The following AKAP13 variants were observed in gnomAD, a reference collection of about 807,000 sequenced individuals.
AKAP13 encodes the protein A-kinase anchor protein 13.
Under a neutral mutation model 264.5 loss-of-function variants are expected in AKAP13, and 80 were observed. That is an observed-to-expected ratio of 0.30 (90% CI 0.25 to 0.36). The LOEUF (loss-of-function observed/expected upper bound fraction) is 0.36, where lower values mean the gene tolerates loss of function less well. Ranked by LOEUF, AKAP13 falls within the 10% of genes least tolerant of loss-of-function variation. The pLI is 1.00. For missense variants in AKAP13, 3,712 were observed against 3,435.2 expected (o/e 1.08, Z -2.01); for synonymous variants, 1,380 against 1,250.2 (o/e 1.10, Z -2.19).
At chr15:85,669,924 G>A (rs1041076602) in intron 14 of AKAP13, 94 bp downstream of exon 14, 38 of 848,344 alleles carry the variant, frequency 4.5e-5, no homozygotes, top group African/African-American at 6.9e-5. Flanking sequence ...AACATTACCT[G>A]CCAAAATTTG....
chr15:85,503,645 G>C (rs1329619819), intron 2 of AKAP13, among the ~76,000 whole-genome samples: 1 of 152,210 alleles, frequency 6.6e-6, no homozygotes, highest in East Asian at 1.9e-4. Context: ...AGGGCACCTT[G>C]ATCTGCCTGC....
At chr15:85,408,487 T>G (rs12901648) in intron 1 of AKAP13, among the ~76,000 whole-genome samples, 24,380 of 151,604 alleles carry the variant, frequency 0.16, 2,568 homozygotes, top group South Asian at 0.35. Flanking sequence ...TCTATTTCTC[T>G]CTCCTCCGTG....
At chr15:85,624,262 C>T (rs2081312384) in intron 8 of AKAP13, among the ~76,000 whole-genome samples, 1 of 151,534 alleles carries the variant, frequency 6.6e-6, no homozygotes, top group African/African-American at 2.4e-5. Flanking sequence ...TAATTCAGAA[C>T]ATTAATTAGC....
At chr15:85,557,608 G>A (rs1040822771) in intron 5 of AKAP13, among the ~76,000 whole-genome samples, 1 of 152,042 alleles carries the variant, frequency 6.6e-6, no homozygotes, top group African/African-American at 2.4e-5. Context: ...GAGACTACAG[G>A]CACGCACCAC....
At chr15:85,544,194 A>T (rs902766282) in intron 5 of AKAP13, 1 of 651,014 alleles carries the variant, frequency 1.5e-6, no homozygotes, top group African/African-American at 1.8e-5. Context: ...GCCTTCTTCA[A>T]TTCTTATCTC....
chr15:85,544,694 A>G (rs935483539), intron 5 of AKAP13, among the ~76,000 whole-genome samples: 4 of 152,256 alleles, frequency 2.6e-5, no homozygotes, highest in Non-Finnish European at 5.9e-5. Context: ...GAATGTTTAT[A>G]TAAAGAAGTT....
At chr15:85,683,720 C>G (rs148689422) in intron 15 of AKAP13, 1 of 152,208 alleles carries the variant, frequency 6.6e-6, no homozygotes, top group Non-Finnish European at 1.5e-5. Context: ...CCGCCCACCT[C>G]GGCCTCCCAA....
At position 85,579,476 on chromosome 15, in the gene AKAP13, A is replaced by T. The variant is rs766167726; in HGVS notation, c.1408A>T (p.Thr470Ser). The change falls in exon 7 of 37, where the codon ACA becomes TCA. Residue 470 changes from threonine to serine, a missense_variant. This residue lies in a region of AKAP13 where 2,759 missense variants were observed against 2,411.7 expected (regional missense o/e 1.14). Coordinates refer to ENST00000394518, the MANE Select transcript of AKAP13 (RefSeq NM_007200.5). ...TGGAGGTGAACTGGGAGGCATTTCAACAACAAATGTCAGTACCCCAGACAC... is the reference window on the plus strand; with the variant it reads ...TGGAGGTGAACTGGGAGGCATTTCATCAACAAATGTCAGTACCCCAGACAC... ...SSGGELGGISTTNVSTPDTAG... is the reference protein window; with the variant it reads ...SSGGELGGISSTNVSTPDTAG... 5.6e-6 allele frequency: 9 copies of T among 1,614,094 alleles called. No homozygotes were observed. The highest frequency in any genetic ancestry group is 7.6e-6 in the Non-Finnish European group (9 of 1,180,042).
chr15:85,413,664 A>T (rs1473391361), intron 1 of AKAP13, among the ~76,000 whole-genome samples: 1 of 152,182 alleles, frequency 6.6e-6, no homozygotes, highest in Non-Finnish European at 1.5e-5. Flanking sequence ...GCACAGGAAC[A>T]TGTGTCATCA....
intron 12 of AKAP13, among the ~76,000 whole-genome samples, chr15:85,661,887 G>A (rs771337134): frequency 4.3e-5 from 6 of 138,382 alleles, no homozygotes; most frequent in African/African-American, 8.3e-5. Flanking sequence ...GGTTGGATCC[G>A]TAATGGAAAC....
intron 19 of AKAP13, among the ~76,000 whole-genome samples, chr15:85,712,264 G>T (rs985349296): frequency 2.0e-5 from 3 of 152,168 alleles, no homozygotes; most frequent in Non-Finnish European, 4.4e-5. Context: ...TACACTCCCA[G>T]AAGAGAGTGA....
chr15:85,447,008 C>T (rs143557589), intron 1 of AKAP13, among the ~76,000 whole-genome samples: 2,190 of 152,288 alleles, frequency 0.014, 26 homozygotes, highest in Non-Finnish European at 0.023. Context: ...GCGGCTCACA[C>T]CTGTAATCCC....
chr15:85,381,728 G>C (rs1291394998), intron 1 of AKAP13: 1 of 151,840 alleles, frequency 6.6e-6, no homozygotes, highest in Non-Finnish European at 1.5e-5. Context: ...GCGGTATTTT[G>C]GTGTTCATTC....
At chr15:85,691,540 G>A (rs1182299205) in intron 16 of AKAP13, among the ~76,000 whole-genome samples, 1 of 152,190 alleles carries the variant, frequency 6.6e-6, no homozygotes. Context: ...ATTGAGGCTT[G>A]ATGTCATATG....
chr15:85,540,411 CTAT>C (rs1207526715), intron 4 of AKAP13, among the ~76,000 whole-genome samples: 3 of 152,152 alleles, frequency 2.0e-5, no homozygotes, highest in Non-Finnish European at 2.9e-5. Flanking sequence ...TGCGGCAAAG[CTAT>C]TATTATGACG....
chr15:85,716,525 C>T (rs147940982), intron 20 of AKAP13, among the ~76,000 whole-genome samples: 2 of 152,280 alleles, frequency 1.3e-5, no homozygotes, highest in Middle Eastern at 3.4e-3. Flanking sequence ...GGTAAGATGC[C>T]TGCCTTCCCG....
intron 1 of AKAP13, among the ~76,000 whole-genome samples, chr15:85,432,556 T>C (rs2150928168): frequency 6.6e-6 from 1 of 152,330 alleles, no homozygotes; most frequent in South Asian, 2.1e-4. Context: ...ACAAGGAGAA[T>C]GTTAGAATTC....
chr15:85,638,833 T>C (rs2082180559), intron 8 of AKAP13, among the ~76,000 whole-genome samples: 1 of 152,002 alleles, frequency 6.6e-6, no homozygotes, highest in Non-Finnish European at 1.5e-5. Context: ...CTCTGCTCAC[T>C]GCAACATCTG....
At chr15:85,743,400 C>T in intron 35 of AKAP13, 92 bp from the exon 36 acceptor site, 1 of 1,382,248 alleles carries the variant, frequency 7.2e-7, no homozygotes, top group South Asian at 1.3e-5. Flanking sequence ...ACCCAGCCAG[C>T]ACACCCAGTT....
Sources: allele counts gnomAD v4.1 joint callset (sites outside exome capture counted in the v4.1 genomes callset), GRCh38; gene constraint gnomAD v4.1.1; regional missense constraint gnomAD v4.1.1; transcripts MANE v1.5; gene names NCBI Gene and HGNC (gene_info 2026-07-23, HGNC 2026-07-21).